BIN2: variants seen among roughly 807,000 people sequenced by gnomAD.
The protein encoded by BIN2 is bridging integrator 2, also known as breast cancer associated protein BRAP1.
BIN2 carries 43 observed loss-of-function variants against 67.9 expected under a neutral mutation model. The ratio of observed to expected loss-of-function variants is 0.63; its 90% CI spans 0.50 to 0.82. The LOEUF is 0.82. BIN2 is among the 40% of genes least tolerant of loss of function. The pLI, the probability that BIN2 is intolerant of heterozygous loss-of-function variation, is 0.00. For missense variants in BIN2, 581 were observed against 671.6 expected (o/e 0.87, Z 1.49); for synonymous variants, 244 against 246.8 (o/e 0.99, Z 0.11).
chr12:51,293,466 T>C (rs551753610), intron 9 of BIN2, among the ~76,000 whole-genome samples: 4 of 152,182 alleles, frequency 2.6e-5, no homozygotes, highest in South Asian at 2.1e-4. Flanking sequence ...CCCGCCACCA[T>C]GCCCAGCTAA....
intron 1 of BIN2, among the ~76,000 whole-genome samples, chr12:51,318,199 AGAGTGCCCAGATC>A (rs1946181049): frequency 6.6e-6 from 1 of 151,748 alleles, no homozygotes; most frequent in Non-Finnish European, 1.5e-5. Flanking sequence ...ATGCCATGCA[AGAGTGCCCAGATC>A]TGGGGAGTGT....
Position 51,296,009 on chromosome 12 carries a change from T to C in BIN2, c.679-131A>G, listed in dbSNP as rs543552231. 30 of 695,984 alleles carry C rather than the reference T, an allele frequency of 4.3e-5. No individual in the cohort carries two copies. The African/African-American group carries it at 5.1e-4, about 12-fold the overall frequency. 43.1% of individuals were successfully genotyped at this position (695,984 alleles called of 1,614,324 possible). A position where few individuals can be genotyped will look rare whatever the true frequency, so the allele number is the denominator to read the frequency against. On this transcript the variant is annotated intron_variant, in intron 8 of 12. Transcript: ENST00000615107. Reference sequence around the variant, plus strand: ...CTTTCAATTCTGATGTGAATTCCTCTTCATCTGTCTAGCATTAGAGTCCAG... The same window carrying C: ...CTTTCAATTCTGATGTGAATTCCTCCTCATCTGTCTAGCATTAGAGTCCAG...
chr12:51,315,192 C>T (rs1438817058), intron 1 of BIN2, among the ~76,000 whole-genome samples: 1 of 150,696 alleles, frequency 6.6e-6, no homozygotes, highest in East Asian at 2.0e-4. Flanking sequence ...TTTTTTGAGA[C>T]GGAGTCTCGC....
chr12:51,284,878 G>A (rs919988615), intron 11 of BIN2, 91 bp from the exon 12 acceptor site: 18 of 950,174 alleles, frequency 1.9e-5, no homozygotes, highest in Non-Finnish European at 3.1e-5. Context: ...TACTTTACAA[G>A]GGTCTCAGTA....
Position 51,299,852 on chromosome 12 carries a change from T to C in BIN2, c.409-138A>G. On this transcript the variant is annotated intron_variant, in intron 5 of 12. Coordinates refer to ENST00000615107, the MANE Select transcript of BIN2 (RefSeq NM_016293.4). Reference sequence around the variant, plus strand: ...CTTTCGTTGTTTTTTGCTTTTGTTTTTTTTGAGACAGGGTCTTGCTCTGTT... The same window carrying C: ...CTTTCGTTGTTTTTTGCTTTTGTTTCTTTTGAGACAGGGTCTTGCTCTGTT... 4.0e-6 allele frequency: 3 copies of C among 755,006 alleles called. No individual in the cohort carries two copies. In the East Asian group the frequency reaches 8.3e-5, roughly 21 times the overall value. 46.8% of individuals were successfully genotyped at this position (755,006 alleles called of 1,614,324 possible).
intron 1 of BIN2, among the ~76,000 whole-genome samples, chr12:51,321,289 T>C (rs1296794506): frequency 6.6e-6 from 1 of 152,204 alleles, no homozygotes; most frequent in African/African-American, 2.4e-5. Flanking sequence ...TTTTGAGCCT[T>C]GTTTCCTTAT....
intron 1 of BIN2, among the ~76,000 whole-genome samples, chr12:51,320,970 C>CACACACACACACACA (rs1565693414): frequency 6.6e-6 from 1 of 151,334 alleles, no homozygotes; most frequent in African/African-American, 2.4e-5. Flanking sequence ...CACACACACA[C>CACACACACACACACA]TCTAAAGCCA....
At chr12:51,314,281 C>T (rs1202086734) in intron 1 of BIN2, among the ~76,000 whole-genome samples, 1 of 151,920 alleles carries the variant, frequency 6.6e-6, no homozygotes, top group Non-Finnish European at 1.5e-5. Flanking sequence ...CTCCTGACCA[C>T]AAATGATCCA....
intron 2 of BIN2, among the ~76,000 whole-genome samples, chr12:51,311,973 T>C (rs1220377392): frequency 1.3e-5 from 2 of 152,142 alleles, no homozygotes; most frequent in Non-Finnish European, 2.9e-5. Flanking sequence ...GGTTTTACCA[T>C]GTTGGCCAGG....
chr12:51,303,752 C>T (rs772354599), intron 2 of BIN2, among the ~76,000 whole-genome samples: 7 of 152,182 alleles, frequency 4.6e-5, no homozygotes, highest in Non-Finnish European at 1.0e-4. Flanking sequence ...CAAGTTCAGA[C>T]AAGGGCTCCT....
At chr12:51,316,607 T>C (rs1321299319) in intron 1 of BIN2, among the ~76,000 whole-genome samples, 3 of 152,232 alleles carry the variant, frequency 2.0e-5, no homozygotes, top group African/African-American at 7.2e-5. Flanking sequence ...TCCTCCTCTC[T>C]GCAGGTCTCC....
At position 51,295,562 on chromosome 12, in the gene BIN2, CAAAA is replaced by C. The variant is rs779588765; in HGVS notation, c.761+230_761+233del. Among the ~76,000 whole-genome samples the C allele has an allele frequency of 6.6e-3, 78 of 11,870 alleles. 5 individuals carry two copies. The highest frequency in any genetic ancestry group is 0.036 in the Admixed American group (37 of 1,020). 7.8% of individuals were successfully genotyped at this position (11,870 alleles called of 152,430 possible). On this transcript the variant is annotated intron_variant, in intron 9 of 12. Coordinates refer to ENST00000615107, the MANE Select transcript of BIN2 (RefSeq NM_016293.4). ...TGGGCGACAGAGTGAGACTCCGTCT[CAAAA>C]AAAAAAAAAAAATATATATATATAT...
At chr12:51,296,936 A>G (rs1945581508) in intron 8 of BIN2, among the ~76,000 whole-genome samples, 153 bp downstream of exon 8, 1 of 152,220 alleles carries the variant, frequency 6.6e-6, no homozygotes, top group African/African-American at 2.4e-5. Context: ...AATACAGTTA[A>G]GTACACAATC....
intron 9 of BIN2, among the ~76,000 whole-genome samples, chr12:51,294,581 CA>C (rs1284896244): frequency 1.1e-4 from 16 of 140,056 alleles, no homozygotes; most frequent in African/African-American, 2.4e-4. Context: ...AAAAAAAAAA[CA>C]AAAAAAACCC....
chr12:51,282,745 G>A (rs1388730503), intron 12 of BIN2, among the ~76,000 whole-genome samples: 10 of 151,768 alleles, frequency 6.6e-5, no homozygotes, highest in South Asian at 2.1e-4. Context: ...CTGGGATTAC[G>A]GGTGCGTGCC....
intron 12 of BIN2, among the ~76,000 whole-genome samples, chr12:51,282,023 C>T (rs4761982): frequency 0.82 from 125,000 of 152,100 alleles, 52,572 homozygotes; most frequent in East Asian, 0.94. Context: ...GTGTGAGCCC[C>T]GGCACCTAGC....
intron 2 of BIN2, among the ~76,000 whole-genome samples, chr12:51,306,900 G>A (rs1171712112): frequency 6.6e-6 from 1 of 152,166 alleles, no homozygotes; most frequent in South Asian, 2.1e-4. Flanking sequence ...TTTAAATGTG[G>A]ATAAGGGAGG....
At chr12:51,317,710 C>G (rs375307138) in intron 1 of BIN2, among the ~76,000 whole-genome samples, 5 of 151,152 alleles carry the variant, frequency 3.3e-5, no homozygotes, top group African/African-American at 1.2e-4. Flanking sequence ...AAAAAAAGGC[C>G]GGGAGCGGTG....
intron 5 of BIN2, among the ~76,000 whole-genome samples, chr12:51,300,260 T>C (rs1226035475): frequency 1.3e-5 from 2 of 151,908 alleles, no homozygotes; most frequent in African/African-American, 4.8e-5. Context: ...ATTAATTATA[T>C]ATATGTAATA....
Sources: gnomAD v4.1 joint callset for allele counts (sites outside exome capture counted in the v4.1 genomes callset) on GRCh38, gnomAD v4.1.1 for gene constraint, MANE v1.5 for transcripts, NCBI Gene and HGNC (gene_info 2026-07-23, HGNC 2026-07-21) for gene names.